DISC1: variants seen among roughly 807,000 people sequenced by gnomAD.
DISC1 encodes DISC1 scaffold protein.
A neutral mutation model predicts 84.5 loss-of-function variants in DISC1; 57 were observed. The observed-to-expected ratio is 0.67, with a 90% CI of 0.55 to 0.84. DISC1 has a LOEUF of 0.84. DISC1 is among the 40% of genes least tolerant of loss of function. The pLI is 0.00. For synonymous variants in DISC1, 411 were observed against 415.2 expected (o/e 0.99, Z 0.12); for missense variants, 1,000 against 1,057.8 (o/e 0.95, Z 0.76).
chr1:231,835,503 T>C (rs1201514873), intron 9 of DISC1, among the ~76,000 whole-genome samples: 1 of 152,168 alleles, frequency 6.6e-6, no homozygotes, highest in Non-Finnish European at 1.5e-5. Flanking sequence ...TTTCACCAGA[T>C]AATGTCATCA....
At chr1:231,999,813 AAACAACAACAAC>A (rs71162205) in intron 10 of DISC1, among the ~76,000 whole-genome samples, 4 of 150,442 alleles carry the variant, frequency 2.7e-5, no homozygotes, top group East Asian at 2.0e-4. Flanking sequence ...TCAAGCAGAA[AAACAACAACAAC>A]AACAACAACA....
intron 11 of DISC1, among the ~76,000 whole-genome samples, chr1:232,017,607 A>C (rs1005201439): frequency 6.6e-5 from 10 of 151,982 alleles, no homozygotes; most frequent in African/African-American, 2.4e-4. Context: ...AGCCGAAGGA[A>C]ATAAGGATCT....
intron 7 of DISC1, among the ~76,000 whole-genome samples, chr1:231,797,694 A>G (rs1414007509): frequency 1.3e-5 from 2 of 152,108 alleles, no homozygotes; most frequent in Non-Finnish European, 2.9e-5. Context: ...TCTGGGGGGA[A>G]AAAAACATCT....
At chr1:231,761,609 C>T (rs562304658) in intron 4 of DISC1, among the ~76,000 whole-genome samples, 1 of 152,316 alleles carries the variant, frequency 6.6e-6, no homozygotes, top group African/African-American at 2.4e-5. Flanking sequence ...AGTTACCCAC[C>T]TGTAGCTACT....
intron 3 of DISC1, among the ~76,000 whole-genome samples, chr1:231,736,604 G>A (rs888697811): frequency 2.6e-5 from 4 of 152,202 alleles, no homozygotes; most frequent in Non-Finnish European, 5.9e-5. Context: ...GTTCTGAAAT[G>A]TCTGAGACTG....
Position 232,031,890 on chromosome 1 carries a change from A to G in DISC1, c.2426-4802A>G, listed in dbSNP as rs190295943. On this transcript the variant is annotated intron_variant, in intron 12 of 12. Coordinates refer to ENST00000439617, the MANE Select transcript of DISC1 (RefSeq NM_018662.3). The surrounding 1 kb of genome is among the most constrained non-coding windows in gnomAD (Gnocchi z 4.6). The stretch of plus-strand genomic sequence containing the variant: ...GATCTCCAGTACCAAATTCTCCAGC[A>G]CTATGGGCTGTAGTGGCTACCCAGG... 3.5e-4 allele frequency among the ~76,000 whole-genome samples: 54 copies of G among 152,336 alleles called. No homozygotes were observed. Among genetic ancestry groups the G allele is most frequent in the South Asian group, 8.3e-4 (4 of 4,822 alleles).
intron 10 of DISC1, among the ~76,000 whole-genome samples, chr1:231,992,263 G>A (rs1387228378): frequency 1.3e-5 from 2 of 152,114 alleles, no homozygotes; most frequent in Non-Finnish European, 2.9e-5. Flanking sequence ...CTTTGTCTCC[G>A]AATCTGTGCA....
At chr1:231,997,001 C>G (rs1427844883) in intron 10 of DISC1, among the ~76,000 whole-genome samples, 5 of 152,182 alleles carry the variant, frequency 3.3e-5, no homozygotes, top group African/African-American at 1.2e-4. Context: ...AAATCAACCA[C>G]TACTCTCTTT....
At chr1:231,692,466 C>T (rs2065160005) in intron 1 of DISC1, among the ~76,000 whole-genome samples, 1 of 152,194 alleles carries the variant, frequency 6.6e-6, no homozygotes. Context: ...TCAATGCCAC[C>T]CCCACCCCTT....
intron 3 of DISC1, among the ~76,000 whole-genome samples, chr1:231,742,539 G>A (rs970431036): frequency 2.6e-5 from 4 of 152,118 alleles, no homozygotes; most frequent in African/African-American, 4.8e-5. Context: ...TTGGGAGGCC[G>A]AGGCAGGAAG....
intron 10 of DISC1, among the ~76,000 whole-genome samples, chr1:232,000,301 CAG>C (rs1478176372): frequency 1.3e-5 from 2 of 151,990 alleles, no homozygotes; most frequent in African/African-American, 4.8e-5. Flanking sequence ...AATACAAAAA[CAG>C]AAATAAAAAT....
intron 10 of DISC1, among the ~76,000 whole-genome samples, chr1:232,007,871 AG>A (rs1451372970): frequency 6.6e-6 from 1 of 152,168 alleles, no homozygotes; most frequent in Admixed American, 6.5e-5. Flanking sequence ...GACCAGGTGT[AG>A]GTAATTGAAT....
chr1:232,015,742 C>G (rs1241256716), intron 11 of DISC1, among the ~76,000 whole-genome samples: 1 of 152,128 alleles, frequency 6.6e-6, no homozygotes, highest in Non-Finnish European at 1.5e-5. Flanking sequence ...ATTATCTTAC[C>G]TCTACCCAAG....
chr1:231,838,221 A>C (rs1478153381), intron 9 of DISC1, among the ~76,000 whole-genome samples: 1 of 152,218 alleles, frequency 6.6e-6, no homozygotes, highest in African/African-American at 2.4e-5. Context: ...ACATATATTC[A>C]TGGGATGCAG....
At chr1:231,633,059 A>G (rs2058868238) in intron 1 of DISC1, among the ~76,000 whole-genome samples, 1 of 152,226 alleles carries the variant, frequency 6.6e-6, no homozygotes. Context: ...CTACAGAGAG[A>G]GACTCCGTCA....
intron 9 of DISC1, among the ~76,000 whole-genome samples, chr1:231,841,872 A>C (rs899630084): frequency 3.9e-5 from 6 of 152,258 alleles, no homozygotes; most frequent in Admixed American, 6.5e-5. Flanking sequence ...CACACACACA[A>C]AAAGAGCAAA....
intron 9 of DISC1, among the ~76,000 whole-genome samples, chr1:231,864,507 C>T (rs1273903636): frequency 6.6e-6 from 1 of 151,974 alleles, no homozygotes; most frequent in Non-Finnish European, 1.5e-5. Context: ...ATTAAAAATA[C>T]AAAAAATTAG....
rs2065413188 is a variant in DISC1, at chr1:231,694,575, G to C, written c.817G>C (p.Val273Leu). ...SRPFSLLATR[V>L]SADLAQAARN... ...GCCCTTCAGTCTCTTGGCTACACGG[G>C]TCTCTGCAGACTTGGCCCAGGCCGC... Residue 273 changes from valine (V) to leucine (L), a missense_variant, in exon 2 of 13, where the codon GTC becomes CTC. By Grantham distance (32) the Val-to-Leu change is conservative (BLOSUM62 1). Coordinates refer to ENST00000439617, the MANE Select transcript of DISC1 (RefSeq NM_018662.3). The C allele has an allele frequency of 6.2e-7, 1 of 1,614,124 alleles. No individual in the cohort carries two copies. Among genetic ancestry groups the C allele is most frequent in the African/African-American group, 1.3e-5 (1 of 74,956 alleles).
chr1:231,677,411 GA>G (rs1421574376), intron 1 of DISC1, among the ~76,000 whole-genome samples: 10 of 152,174 alleles, frequency 6.6e-5, no homozygotes, highest in African/African-American at 2.4e-4. Flanking sequence ...GACTGTGCTG[GA>G]AAATTCCAAA....
Sources: allele counts gnomAD v4.1 joint callset (sites outside exome capture counted in the v4.1 genomes callset), GRCh38; gene constraint gnomAD v4.1.1; non-coding constraint Gnocchi (gnomAD v3.1); transcripts MANE v1.5; gene names NCBI Gene and HGNC (gene_info 2026-07-23, HGNC 2026-07-21).